The following HERC4 variants were observed in gnomAD, a reference collection of about 807,000 sequenced individuals.
The protein encoded by HERC4 is HECT and RLD domain containing E3 ubiquitin protein ligase 4.
A neutral mutation model predicts 124.3 loss-of-function variants in HERC4; 28 were observed. The observed-to-expected ratio is 0.23, with a 90% CI of 0.17 to 0.31. HERC4 has a LOEUF of 0.31. Ranked by LOEUF, HERC4 falls within the 10% of genes least tolerant of loss-of-function variation. The pLI, the probability that HERC4 is intolerant of heterozygous loss-of-function variation, is 1.00. For missense variants in HERC4, 713 were observed against 1,229.3 expected (o/e 0.58, Z 6.28); for synonymous variants, 407 against 421.5 (o/e 0.97, Z 0.42).
intron 9 of HERC4, among the ~76,000 whole-genome samples, chr10:68,003,327 A>ATTTTT (rs1564533956): frequency 1.1e-5 from 1 of 88,102 alleles, no homozygotes; most frequent in African/African-American, 3.8e-5. Flanking sequence ...ATGCCTGACT[A>ATTTTT]ATTTTTTTTT....
chr10:68,011,180 A>C (rs1361723218), intron 9 of HERC4, among the ~76,000 whole-genome samples: 2 of 152,120 alleles, frequency 1.3e-5, no homozygotes, highest in East Asian at 3.9e-4. Context: ...CCTCTTGCCT[A>C]AACCTCCCAA....
Position 67,939,577 on chromosome 10 carries a change from T to C in HERC4, c.2571+11A>G. The C allele has an allele frequency of 1.3e-6, 2 of 1,577,044 alleles. No homozygotes were observed. The highest frequency in any genetic ancestry group is 2.2e-5 in the East Asian group (1 of 44,484). On this transcript the variant is annotated intron_variant, in intron 21 of 24. Coordinates refer to ENST00000373700, the MANE Select transcript of HERC4 (RefSeq NM_015601.4). ...TAAATAATCAGGCTAACCTATGTCC[T>C]TCCATCTTACCGTAAAATTAAGACA...
chr10:67,982,855 C>T (rs139508405), intron 15 of HERC4, among the ~76,000 whole-genome samples: 3 of 152,034 alleles, frequency 2.0e-5, no homozygotes, highest in Non-Finnish European at 4.4e-5. Flanking sequence ...CGGCAGGGTG[C>T]GGTGGCTCAT....
Position 67,966,764 on chromosome 10 carries a change from T to C in HERC4, c.1845A>G (p.Lys615=). Residue 615 remains lysine (K), a synonymous_variant, in exon 16 of 25, where the codon AAA becomes AAG. Coordinates refer to ENST00000373700, the MANE Select transcript of HERC4 (RefSeq NM_015601.4). ...ATTCTTGTACTTCATGTATATAAAATTTATCATACTGTATAATCTGTCCCA... is the reference window on the plus strand; with the variant it reads ...ATTCTTGTACTTCATGTATATAAAACTTATCATACTGTATAATCTGTCCCA... ...EKMGQIIQYD[K]FYIHEVQELI... is the part of the protein sequence containing the mutation. 6.3e-7 allele frequency: 1 copy of C among 1,583,600 alleles called. No individual in the cohort carries two copies.
chr10:68,072,205 T>C (rs1488520694), intron 3 of HERC4, among the ~76,000 whole-genome samples: 3 of 152,158 alleles, frequency 2.0e-5, no homozygotes, highest in Non-Finnish European at 4.4e-5. Context: ...TATTTGATTT[T>C]AAAATACAAT....
chr10:68,039,969 G>A, intron 4 of HERC4: 1 of 759,596 alleles, frequency 1.3e-6, no homozygotes, highest in Non-Finnish European at 1.6e-6. Flanking sequence ...ACTAACCACA[G>A]GTACCTATTC....
At chr10:68,045,582 C>A (rs1192594692) in intron 3 of HERC4, among the ~76,000 whole-genome samples, 3 of 152,152 alleles carry the variant, frequency 2.0e-5, no homozygotes, top group African/African-American at 7.2e-5. Context: ...ACTGGCCCTA[C>A]TACCAGTAGC....
At position 68,030,180 on chromosome 10, in the gene HERC4, C is replaced by T. The variant is rs557496827; in HGVS notation, c.777+2598G>A. Among the ~76,000 whole-genome samples, 6 of 152,054 alleles carry T rather than the reference C, an allele frequency of 3.9e-5. No homozygotes were observed. In the South Asian group the frequency reaches 1.3e-3, roughly 32 times the overall value. ...TAAGGCCGGGTGCAGGATTACACACCTGTAATCCCAGCATTCTGGGAGGCA... is the reference window on the plus strand; with the variant it reads ...TAAGGCCGGGTGCAGGATTACACACTTGTAATCCCAGCATTCTGGGAGGCA... On this transcript the variant is annotated intron_variant, in intron 7 of 24. Coordinates refer to ENST00000373700, the MANE Select transcript of HERC4 (RefSeq NM_015601.4).
At chr10:68,002,788 C>T (rs1248699114) in intron 9 of HERC4, among the ~76,000 whole-genome samples, 5 of 151,710 alleles carry the variant, frequency 3.3e-5, no homozygotes, top group Non-Finnish European at 5.9e-5. Context: ...TTAGTTCAGA[C>T]GGAGTTTCAC....
intron 16 of HERC4, among the ~76,000 whole-genome samples, chr10:67,964,091 ATTTT>A (rs11327388): frequency 7.7e-6 from 1 of 129,258 alleles, no homozygotes; most frequent in African/African-American, 2.9e-5. Context: ...CTACCACTCC[ATTTT>A]TTTTTTTTTT....
At chr10:67,959,601 G>GA (rs1400157456) in intron 16 of HERC4, among the ~76,000 whole-genome samples, 10 of 151,080 alleles carry the variant, frequency 6.6e-5, no homozygotes, top group Non-Finnish European at 1.2e-4. Flanking sequence ...CACAAAGTAA[G>GA]AAAAAATAAG....
chr10:68,059,843 T>TATTATATATCATATTATATATATA lies in HERC4; in HGVS notation c.226+13039_226+13040insTATATATATAATATGATATATAAT, dbSNP rs1564609898. ...TATATCATAATATTATATATTATAA[T>TATTATATATCATATTATATATATA]ATATTATATATCATAATATTATATA... On this transcript the variant is annotated intron_variant, in intron 3 of 24. Coordinates refer to ENST00000373700, the MANE Select transcript of HERC4 (RefSeq NM_015601.4). Among the ~76,000 whole-genome samples the TATTATATATCATATTATATATATA allele has an allele frequency of 1.5e-4, 4 of 26,310 alleles. 1 individual carries two copies. The African/African-American group carries it at 1.7e-3, about 11-fold the overall frequency. The allele number at this position is 26,310 out of a possible 152,430, so 17.3% of individuals were successfully genotyped here.
intron 3 of HERC4, among the ~76,000 whole-genome samples, chr10:68,058,050 T>A (rs565153811): frequency 6.6e-6 from 1 of 152,178 alleles, no homozygotes; most frequent in East Asian, 1.9e-4. Context: ...CAATGATCAA[T>A]CTAACTTCCA....
rs559602251 is a variant in HERC4, at chr10:67,951,168, T to C, written c.2337+3427A>G. Among the ~76,000 whole-genome samples the C allele has an allele frequency of 3.9e-5, 6 of 152,276 alleles. No individual in the cohort carries two copies. The East Asian group carries it at 9.6e-4, about 24-fold the overall frequency. ...CCCTTTGTCTCAAAACATTATCTCT[T>C]TAAAACTGACTAAAGGGCAGACAGA... On this transcript the variant is annotated intron_variant, in intron 19 of 24. Coordinates refer to ENST00000373700, the MANE Select transcript of HERC4 (RefSeq NM_015601.4).
At chr10:68,055,755 CTTT>C (rs201966338) in intron 3 of HERC4, among the ~76,000 whole-genome samples, 1 of 143,050 alleles carries the variant, frequency 7.0e-6, no homozygotes. Flanking sequence ...TTACAATATC[CTTT>C]TTTTTTTTTT....
intron 5 of HERC4, among the ~76,000 whole-genome samples, chr10:68,034,412 T>G (rs527900486): frequency 6.6e-6 from 1 of 152,296 alleles, no homozygotes; most frequent in Non-Finnish European, 1.5e-5. Flanking sequence ...TAAGTTTGAT[T>G]GACTACACAG....
At chr10:68,015,384 A>G (rs1461869080) in intron 8 of HERC4, among the ~76,000 whole-genome samples, 1 of 152,240 alleles carries the variant, frequency 6.6e-6, no homozygotes, top group Admixed American at 6.5e-5. Flanking sequence ...TTACTAAAAC[A>G]AAGAACTATT....
chr10:67,930,778 C>A (rs1164696837), intron 23 of HERC4, among the ~76,000 whole-genome samples: 1 of 152,222 alleles, frequency 6.6e-6, no homozygotes, highest in Non-Finnish European at 1.5e-5. Flanking sequence ...CTCCCAGGTT[C>A]AAGTGATTCT....
At chr10:68,062,942 C>T (rs1270393528) in intron 3 of HERC4, among the ~76,000 whole-genome samples, 3 of 151,948 alleles carry the variant, frequency 2.0e-5, no homozygotes, top group African/African-American at 7.3e-5. Flanking sequence ...ACAATCTGAC[C>T]TCAATTTTGC....
Sources: allele counts gnomAD v4.1 joint callset (sites outside exome capture counted in the v4.1 genomes callset), GRCh38; gene constraint gnomAD v4.1.1; transcripts MANE v1.5; gene names NCBI Gene and HGNC (gene_info 2026-07-23, HGNC 2026-07-21).